Variants in RBFOX3 observed in about 807,000 individuals in gnomAD.
RBFOX3 encodes the protein RNA binding fox-1 homolog 3.
In RBFOX3, 17 loss-of-function variants were observed where a neutral mutation model predicts 48.7. The ratio of observed to expected loss-of-function variants is 0.35; its 90% CI spans 0.24 to 0.52. RBFOX3 has a LOEUF of 0.52. RBFOX3 is among the 20% of genes least tolerant of loss of function. The pLI is 0.94. For missense variants in RBFOX3, 382 were observed against 497.5 expected, an observed-to-expected ratio of 0.77 and a Z score of 2.21; for synonymous variants, 212 against 209.5, an observed-to-expected ratio of 1.01 and a Z score of -0.10.
chr17:79,658,015 G>A, the RBFOX3 span, among the ~76,000 whole-genome samples: 1 of 152,132 alleles, frequency 6.6e-6, no homozygotes, highest in African/African-American at 2.4e-5. Context: ...CACTGGCTGA[G>A]AACAGTCTGT....
At chr17:79,157,764 C>T (rs1056115616) in intron 4 of RBFOX3, among the ~76,000 whole-genome samples, 18 of 152,172 alleles carry the variant, frequency 1.2e-4, no homozygotes, top group Non-Finnish European at 2.2e-4. Context: ...CCACCCAGCT[C>T]GGCACATGCT....
intron 2 of RBFOX3, among the ~76,000 whole-genome samples, chr17:79,403,733 G>T: frequency 6.6e-6 from 1 of 151,766 alleles, no homozygotes; most frequent in Non-Finnish European, 1.5e-5. Flanking sequence ...ACCTGCCCAG[G>T]CCCCGTCCTC....
chr17:79,387,365 G>GT, intron 2 of RBFOX3, among the ~76,000 whole-genome samples: 1 of 152,338 alleles, frequency 6.6e-6, no homozygotes, highest in East Asian at 1.9e-4. Flanking sequence ...ACTCACAGGC[G>GT]TGAGTCAAAA....
chr17:79,571,524 GC>G (rs1163402553), intron 1 of RBFOX3, among the ~76,000 whole-genome samples: 5 of 93,182 alleles, frequency 5.4e-5, no homozygotes, highest in African/African-American at 1.8e-4. Flanking sequence ...CCCACCCCCC[GC>G]CCCCCCAACC....
Position 79,501,803 on chromosome 17 carries a change from A to G in RBFOX3, c.-319-19205T>C, listed in dbSNP as rs1478168724. On this transcript the variant is annotated intron_variant, in intron 1 of 14. Transcript: ENST00000693108. The stretch of plus-strand genomic sequence containing the variant: ...TATTTAACAACTGACCTGTCCCACA[A>G]CTTGGAGTTATTCTTAGAAACTGCC... 7.2e-4 allele frequency among the ~76,000 whole-genome samples: 109 copies of G among 152,370 alleles called. 1 individual carries two copies. The highest frequency in any genetic ancestry group is 2.9e-5 in the Non-Finnish European group (2 of 68,040).
chr17:79,591,690 G>A (rs2093420471), intron 1 of RBFOX3, among the ~76,000 whole-genome samples: 3 of 152,310 alleles, frequency 2.0e-5, no homozygotes, highest in Admixed American at 6.5e-5. Context: ...AACAGAGCCT[G>A]GGGCAAGGGT....
At chr17:79,517,972 C>T (rs1251759818) in intron 1 of RBFOX3, among the ~76,000 whole-genome samples, 6 of 152,126 alleles carry the variant, frequency 3.9e-5, no homozygotes, top group Non-Finnish European at 7.3e-5. Flanking sequence ...CCGGAGAAAC[C>T]GAACGAGACT....
rs1411341603 is a variant in RBFOX3, at chr17:79,161,387, A to AT, written c.-33-45640_-33-45639insA. On this transcript the variant is annotated intron_variant, in intron 4 of 14. Transcript: ENST00000693108. Reference sequence around the variant, plus strand: ...AGGCCTGGAAGCACCGCATGGCTCCAGCACACACCCCGATCCCATCACTTC... The same window carrying AT: ...AGGCCTGGAAGCACCGCATGGCTCCATGCACACACCCCGATCCCATCACTTC... Among the ~76,000 whole-genome samples the AT allele has an allele frequency of 2.9e-4, 44 of 152,312 alleles. No homozygotes were observed. In the South Asian group the frequency reaches 3.5e-3, roughly 12 times the overall value.
At chr17:79,525,966 C>T in intron 1 of RBFOX3, among the ~76,000 whole-genome samples, 1 of 152,184 alleles carries the variant, frequency 6.6e-6, no homozygotes, top group Non-Finnish European at 1.5e-5. Context: ...CCACCGCCAC[C>T]CCCGACGGCC....
chr17:79,356,729 A>G (rs2085211377), intron 2 of RBFOX3, among the ~76,000 whole-genome samples: 1 of 152,054 alleles, frequency 6.6e-6, no homozygotes, highest in East Asian at 1.9e-4. Flanking sequence ...AGGTGTGAAT[A>G]ACTATTTGGG....
At chr17:79,104,416 G>A (rs1402577771) in intron 6 of RBFOX3, among the ~76,000 whole-genome samples, 6 of 152,116 alleles carry the variant, frequency 3.9e-5, no homozygotes, top group Non-Finnish European at 5.9e-5. Context: ...CTGGAGGCCC[G>A]TGTCTCCCTT....
intron 3 of RBFOX3, among the ~76,000 whole-genome samples, chr17:79,258,729 G>C (rs911122689): frequency 1.3e-5 from 2 of 152,168 alleles, no homozygotes; most frequent in Admixed American, 6.5e-5. Flanking sequence ...TTGGTGGGGG[G>C]TGCACTCACA....
chr17:79,218,242 G>T (rs550886282), intron 4 of RBFOX3, among the ~76,000 whole-genome samples: 1 of 151,994 alleles, frequency 6.6e-6, no homozygotes, highest in African/African-American at 2.4e-5. Flanking sequence ...GACTTGGGGG[G>T]TGGCAGCGTT....
chr17:79,552,254 A>G (rs1457918486), intron 1 of RBFOX3, among the ~76,000 whole-genome samples: 2 of 152,238 alleles, frequency 1.3e-5, no homozygotes, highest in African/African-American at 4.8e-5. Flanking sequence ...TTGAAACCTT[A>G]CTATAGGCCT....
intron 4 of RBFOX3, among the ~76,000 whole-genome samples, chr17:79,163,538 TAA>T (rs983683347): frequency 6.6e-6 from 1 of 152,130 alleles, no homozygotes; most frequent in Non-Finnish European, 1.5e-5. Flanking sequence ...CCTGGCAACA[TAA>T]AAAGTCAGGG....
At position 79,583,419 on chromosome 17, in the gene RBFOX3, G is replaced by A. The variant is rs936041833; in HGVS notation, c.-320+27407C>T. 1.8e-3 allele frequency among the ~76,000 whole-genome samples: 279 copies of A among 152,344 alleles called. 2 individuals carry two copies. The highest frequency in any genetic ancestry group is 6.3e-3 in the African/African-American group (261 of 41,568). Reference sequence around the variant, plus strand: ...CTTACAGAAGACAGACAGATGTCACGCAGTGCCCCACAGTGACTGCACTCA... The same window carrying A: ...CTTACAGAAGACAGACAGATGTCACACAGTGCCCCACAGTGACTGCACTCA... On this transcript the variant is annotated intron_variant, in intron 1 of 14. Coordinates refer to ENST00000693108, the MANE Select transcript of RBFOX3 (RefSeq NM_001350451.2).
intron 2 of RBFOX3, among the ~76,000 whole-genome samples, chr17:79,411,359 C>T (rs1383442364): frequency 6.6e-6 from 1 of 152,188 alleles, no homozygotes; most frequent in African/African-American, 2.4e-5. Flanking sequence ...CTGGAATTAC[C>T]TGCAGTTACC....
At chr17:79,197,917 C>T (rs1294624899) in intron 4 of RBFOX3, among the ~76,000 whole-genome samples, 6 of 152,156 alleles carry the variant, frequency 3.9e-5, no homozygotes, top group African/African-American at 1.4e-4. Context: ...TCCTCACCTC[C>T]CCCGACTCCG....
chr17:79,415,471 C>A (rs2148656341), intron 2 of RBFOX3, among the ~76,000 whole-genome samples: 1 of 152,310 alleles, frequency 6.6e-6, no homozygotes, highest in African/African-American at 2.4e-5. Flanking sequence ...AACTTGGAAG[C>A]CCTGGACATC....
Sources: gnomAD v4.1 joint callset for allele counts (sites outside exome capture counted in the v4.1 genomes callset) on GRCh38, gnomAD v4.1.1 for gene constraint, MANE v1.5 for transcripts, NCBI Gene and HGNC (gene_info 2026-07-23, HGNC 2026-07-21) for gene names.